Variants in CFAP91 observed in about 807,000 individuals in gnomAD.
The protein encoded by CFAP91 is cilia- and flagella-associated protein 91.
In CFAP91, 85 loss-of-function variants were observed where a neutral mutation model predicts 95.9. That is an observed-to-expected ratio of 0.89 (90% CI 0.74 to 1.06). The LOEUF is 1.06. CFAP91 is among the 50% of genes least tolerant of loss of function. The probability of loss-of-function intolerance (pLI) is 0.00; values close to 1 mark genes in which losing one functional copy is unlikely to be tolerated. For synonymous variants in CFAP91, 335 were observed against 327.5 expected (o/e 1.02, Z -0.25); for missense variants, 962 against 943.4 (o/e 1.02, Z -0.26).
intron 7 of CFAP91, 120 bp downstream of exon 7, chr3:119,726,468 A>ATC: frequency 1.1e-6 from 1 of 947,208 alleles, no homozygotes. Flanking sequence ...ACCTATAGAG[A>ATC]TAGGAAATTG....
chr3:119,708,739 A>G, intron 4 of CFAP91, 65 bp downstream of exon 4: 10 of 960,998 alleles, frequency 1.0e-5, no homozygotes, highest in Non-Finnish European at 1.6e-5. Flanking sequence ...TTATGATAAT[A>G]ATAATAGTTA....
intron 4 of CFAP91, 143 bp from the exon 5 acceptor site, chr3:119,709,696 T>A: frequency 1.5e-6 from 1 of 663,462 alleles, no homozygotes; most frequent in Non-Finnish European, 2.7e-6. Context: ...AGTGATTTTT[T>A]ATGTCCAGAA....
At chr3:119,731,506 A>G (rs1008250865) in intron 8 of CFAP91, among the ~76,000 whole-genome samples, 1 of 152,190 alleles carries the variant, frequency 6.6e-6, no homozygotes, top group African/African-American at 2.4e-5. Flanking sequence ...AGATCTGACT[A>G]ATTTTTGTAG....
chr3:119,750,661 C>T, intron 16 of CFAP91: 2 of 449,120 alleles, frequency 4.5e-6, no homozygotes, highest in Non-Finnish European at 8.1e-6. Flanking sequence ...GAGGAGACTT[C>T]CTGGAGGATC....
At chr3:119,715,083 G>C (rs1200228236) in intron 5 of CFAP91, among the ~76,000 whole-genome samples, 1 of 152,170 alleles carries the variant, frequency 6.6e-6, no homozygotes, top group Admixed American at 6.5e-5. Flanking sequence ...CTGCCTGCCT[G>C]CCTTGGTTCC....
chr3:119,751,935 A>C (rs528563497), intron 17 of CFAP91, among the ~76,000 whole-genome samples: 2 of 152,184 alleles, frequency 1.3e-5, no homozygotes, highest in Non-Finnish European at 2.9e-5. Flanking sequence ...TTAGGTATAC[A>C]TTCCTCCCAG....
At chr3:119,715,006 A>G (rs2053546934) in intron 5 of CFAP91, among the ~76,000 whole-genome samples, 1 of 152,242 alleles carries the variant, frequency 6.6e-6, no homozygotes, top group Non-Finnish European at 1.5e-5. Context: ...TAACTTTCCC[A>G]CATGTTAATA....
chr3:119,760,429 A>G (rs978371387), intron 17 of CFAP91, among the ~76,000 whole-genome samples: 7 of 151,986 alleles, frequency 4.6e-5, no homozygotes, highest in African/African-American at 1.4e-4. Flanking sequence ...ACTGTAATAC[A>G]GTAATAGTGG....
chr3:119,763,440 A>G (rs909205419), intron 17 of CFAP91, among the ~76,000 whole-genome samples: 2 of 152,216 alleles, frequency 1.3e-5, no homozygotes, highest in African/African-American at 4.8e-5. Context: ...TAGAACTACC[A>G]TATGATCCAG....
At chr3:119,722,177 T>TAAAAAAAA (rs569308101) in intron 6 of CFAP91, among the ~76,000 whole-genome samples, 1 of 91,244 alleles carries the variant, frequency 1.1e-5, no homozygotes, top group African/African-American at 4.5e-5. Flanking sequence ...ACCCTGTCTC[T>TAAAAAAAA]AAAAAAAAAA....
At chr3:119,748,455 A>G (rs575761956) in intron 16 of CFAP91, among the ~76,000 whole-genome samples, 3 of 152,360 alleles carry the variant, frequency 2.0e-5, no homozygotes, top group South Asian at 2.1e-4. Flanking sequence ...AAGAGAAAAT[A>G]CTATCTTAAA....
At chr3:119,761,538 A>C (rs1289393181) in intron 17 of CFAP91, among the ~76,000 whole-genome samples, 1 of 151,936 alleles carries the variant, frequency 6.6e-6, no homozygotes, top group Non-Finnish European at 1.5e-5. Flanking sequence ...GGATACTACA[A>C]GAAAGAAAAA....
In CFAP91 at chr3:119,703,123, G is replaced by A; in HGVS notation, c.25G>A (p.Glu9Lys). 1 of 1,567,702 alleles carries A rather than the reference G, an allele frequency of 6.4e-7. No individual in the cohort carries two copies. Among genetic ancestry groups the A allele is most frequent in the South Asian group, 1.2e-5 (1 of 85,894 alleles). ...CATGAGCCACGCAGTAACCATCGAGGAGCCCCAGGCCCAGCCGCAGGTGTC... is the reference window on the plus strand; with the variant it reads ...CATGAGCCACGCAGTAACCATCGAGAAGCCCCAGGCCCAGCCGCAGGTGTC... MSHAVTIEEPQAQPQVSQT... is the reference protein window; with the variant it reads MSHAVTIEKPQAQPQVSQT... Residue 9 changes from glutamate (E) to lysine (K), a missense_variant, in exon 1 of 18, where the codon GAG becomes AAG. Glu to Lys is a moderately conservative substitution (Grantham distance 56). Coordinates refer to ENST00000273390, the MANE Select transcript of CFAP91 (RefSeq NM_033364.4).
Position 119,756,255 on chromosome 3 carries a change from A to G in CFAP91, c.*1+5157A>G, listed in dbSNP as rs138260044. 2.0e-3 allele frequency among the ~76,000 whole-genome samples: 312 copies of G among 152,200 alleles called. 3 individuals are homozygous for G. The highest frequency in any genetic ancestry group is 3.4e-3 in the Non-Finnish European group (234 of 68,006). On this transcript the variant is annotated intron_variant, in intron 17 of 17. Coordinates refer to ENST00000273390, the MANE Select transcript of CFAP91 (RefSeq NM_033364.4). The stretch of plus-strand genomic sequence containing the variant: ...TAATTAAGCTGACAGTTGACTTCTC[A>G]TCAGAAACAATGAAAGCCAAAAAGA...
chr3:119,741,293 A>C (rs1283232689), intron 13 of CFAP91, among the ~76,000 whole-genome samples: 1 of 152,210 alleles, frequency 6.6e-6, no homozygotes, highest in Non-Finnish European at 1.5e-5. Context: ...CCAAATATCC[A>C]GTGACTATTG....
At chr3:119,707,206 C>A in intron 2 of CFAP91, 198 bp from the exon 3 acceptor site, 2 of 523,348 alleles carry the variant, frequency 3.8e-6, no homozygotes, top group Non-Finnish European at 3.4e-6. Flanking sequence ...TATCCCCTAC[C>A]CCCTCCACAT....
chr3:119,719,188 T>C (rs1329399709), intron 6 of CFAP91, among the ~76,000 whole-genome samples: 3 of 152,182 alleles, frequency 2.0e-5, no homozygotes, highest in African/African-American at 4.8e-5. Flanking sequence ...CAAAATAAGA[T>C]ACAGAAGAGT....
intron 17 of CFAP91, among the ~76,000 whole-genome samples, chr3:119,755,473 C>G (rs9820811): frequency 0.016 from 2,409 of 152,212 alleles, 58 homozygotes; most frequent in African/African-American, 0.055. Context: ...TCTCCTTCTT[C>G]CACTCCCCCT....
Position 119,703,044 on chromosome 3 carries a change from A to T in CFAP91, c.-55A>T, listed in dbSNP as rs969374811. ...GCCGTTACCATAGCGACGTGCACGC[A>T]GTAGCCAGGCCTGACCCGCTGGTCC... On this transcript the variant is annotated 5_prime_UTR_variant, in exon 1 of 18. Transcript: ENST00000273390. 3.9e-6 allele frequency: 6 copies of T among 1,535,390 alleles called. No homozygotes were observed. Among genetic ancestry groups the T allele is most frequent in the Non-Finnish European group, 4.4e-6 (5 of 1,136,890 alleles).
Sources: allele counts gnomAD v4.1 joint callset (sites outside exome capture counted in the v4.1 genomes callset), GRCh38; gene constraint gnomAD v4.1.1; transcripts MANE v1.5; gene names NCBI Gene and HGNC (gene_info 2026-07-23, HGNC 2026-07-21).